Variants in POLA2 observed in about 807,000 individuals in gnomAD.
The protein encoded by POLA2 is DNA polymerase alpha subunit B.
In POLA2, 47 loss-of-function variants were observed where a neutral mutation model predicts 82.8. That is an observed-to-expected ratio of 0.57 (90% CI 0.45 to 0.72). The LOEUF is 0.72. POLA2 is among the 30% of genes least tolerant of loss of function. POLA2 has a pLI of 0.00. For missense variants in POLA2, 634 were observed against 728.1 expected (o/e 0.87, Z 1.49); for synonymous variants, 287 against 286.8 (o/e 1.00, Z -0.01).
At chr11:65,305,313 T>G (rs1427649716) in intron 8 of POLA2, 11 of 453,426 alleles carry the variant, frequency 2.4e-5, no homozygotes, top group Non-Finnish European at 3.5e-5. Flanking sequence ...GTGACCAGCC[T>G]CACGCATCGT....
At chr11:65,299,051 A>G (rs1427846689), downstream of POLA2, among the ~76,000 whole-genome samples, 1 of 152,232 alleles carries the variant, frequency 6.6e-6, no homozygotes, top group Non-Finnish European at 1.5e-5. Flanking sequence ...CTTGTCAGGA[A>G]GGTGCCAAGT....
intron 4 of POLA2, among the ~76,000 whole-genome samples, chr11:65,270,793 C>T (rs1015795401): frequency 2.0e-5 from 3 of 152,210 alleles, no homozygotes; most frequent in Admixed American, 6.5e-5. Context: ...CCATATCCAC[C>T]TCTAACCACC....
chr11:65,299,734 C>T (rs545008316), downstream of POLA2, among the ~76,000 whole-genome samples: 299 of 152,208 alleles, frequency 2.0e-3, no homozygotes, highest in African/African-American at 6.9e-3. Flanking sequence ...CTCTGTCGTC[C>T]GGGCTGGAGT....
In POLA2 at chr11:65,297,487, G is replaced by T. The variant is rs533656274; in HGVS notation, c.*218G>T. ...CCTGGAAGGAAGCTCTTGCTTCTCA[G>T]TCCATGCTCCGTGTCCAGAAGTAAG... On this transcript the variant is annotated 3_prime_UTR_variant, in exon 18 of 18. Coordinates refer to ENST00000265465, the MANE Select transcript of POLA2 (RefSeq NM_002689.4). The T allele has an allele frequency of 4.1e-5, 18 of 438,324 alleles. No homozygotes were observed. The East Asian group carries it at 6.3e-4, about 15-fold the overall frequency. 27.2% of individuals were successfully genotyped at this position (438,324 alleles called of 1,614,324 possible).
downstream of POLA2, among the ~76,000 whole-genome samples, chr11:65,303,320 C>T (rs1359441324): frequency 2.2e-5 from 3 of 138,832 alleles, no homozygotes; most frequent in South Asian, 4.5e-4. Context: ...CCAGCCTGGG[C>T]AACGGAGTGA....
chr11:65,300,904 A>G (rs1260476709), downstream of POLA2, among the ~76,000 whole-genome samples: 7 of 152,192 alleles, frequency 4.6e-5, 1 homozygote, highest in African/African-American at 1.7e-4. Context: ...TTCACTTAGC[A>G]TGATGTTTTC....
At position 65,295,439 on chromosome 11, in the gene POLA2, C is replaced by T. The variant is rs1013346152; in HGVS notation, c.1461-101C>T. 4.9e-6 allele frequency: 5 copies of T among 1,017,442 alleles called. No individual in the cohort carries two copies. The East Asian group carries it at 7.2e-5, about 15-fold the overall frequency. 63.0% of individuals were successfully genotyped at this position (1,017,442 alleles called of 1,614,324 possible). A position where few individuals can be genotyped will look rare whatever the true frequency, so the allele number is the denominator to read the frequency against. On this transcript the variant is annotated intron_variant, in intron 15 of 17. Coordinates refer to ENST00000265465, the MANE Select transcript of POLA2 (RefSeq NM_002689.4). ...TCCTCCTCTTGTTGCTGTGCCTTGG[C>T]CATTTACCTTCTCTCTGGTTTATTA...
At chr11:65,287,606 TA>T (rs1949710651) in intron 10 of POLA2, 109 bp from the exon 11 acceptor site, 2 of 987,944 alleles carry the variant, frequency 2.0e-6, no homozygotes, top group Admixed American at 4.2e-5. Flanking sequence ...GTTTCACACA[TA>T]AAGGACTCAA....
intron 7 of POLA2, chr11:65,280,785 G>C: frequency 1.8e-6 from 1 of 556,698 alleles, no homozygotes; most frequent in Admixed American, 3.2e-5. Flanking sequence ...CAAGTGCTGG[G>C]TGGATGGGTG....
At chr11:65,265,418 CTGTT>C (rs1257217650) in intron 1 of POLA2, among the ~76,000 whole-genome samples, 1 of 152,112 alleles carries the variant, frequency 6.6e-6, no homozygotes, top group Non-Finnish European at 1.5e-5. Flanking sequence ...GCACTTGACA[CTGTT>C]TGTCATTTTT....
intron 13 of POLA2, among the ~76,000 whole-genome samples, chr11:65,292,994 A>G (rs1317599062): frequency 1.3e-5 from 2 of 152,164 alleles, no homozygotes; most frequent in African/African-American, 2.4e-5. Flanking sequence ...GGAAAAATAA[A>G]TAGTTGGCCC....
Position 65,294,651 on chromosome 11 carries a change from A to G in POLA2, c.1459A>G (p.Ser487Gly), listed in dbSNP as rs1468478550. The G allele has an allele frequency of 6.2e-7, 1 of 1,606,038 alleles. No homozygotes were observed. Among genetic ancestry groups the G allele is most frequent in the Non-Finnish European group, 8.5e-7 (1 of 1,173,214 alleles). ...CCACCTGGGGGCCGAGGAGATCAGT[A>G]GGTAAGAAGTGTGTTCCAGGCCCCA... ...LFHLGAEEIS[S>G]SSGTSDRFSR... is the part of the protein sequence containing the mutation. The change falls in exon 15 of 18, where the codon AGT becomes GGT. Residue 487 changes from serine to glycine, a missense_variant and splice_region_variant. Coordinates refer to ENST00000265465, the MANE Select transcript of POLA2 (RefSeq NM_002689.4).
intron 4 of POLA2, among the ~76,000 whole-genome samples, chr11:65,272,342 C>T (rs1342975394): frequency 1.3e-5 from 2 of 152,172 alleles, no homozygotes; most frequent in Non-Finnish European, 2.9e-5. Context: ...TTGGCCTTTC[C>T]ATACAAACAG....
chr11:65,299,456 T>G (rs889985245), downstream of POLA2, among the ~76,000 whole-genome samples: 1 of 152,206 alleles, frequency 6.6e-6, no homozygotes, highest in African/African-American at 2.4e-5. Flanking sequence ...CCACTCCTAG[T>G]TGCTGTTCCT....
In POLA2 at chr11:65,262,286, G is replaced by A; in HGVS notation, c.-7G>A. 6.2e-7 allele frequency: 1 copy of A among 1,611,686 alleles called. No homozygotes were observed. The highest frequency in any genetic ancestry group is 8.5e-7 in the Non-Finnish European group (1 of 1,179,072). On this transcript the variant is annotated 5_prime_UTR_variant, in exon 1 of 18. Transcript: ENST00000265465. ...GGCCGGCTCCCCGGCCCCTGGCTTG[G>A]GCGACCATGTCCGCATCCGCCCAGC... is the stretch of plus-strand genomic sequence containing the variant.
At chr11:65,281,261 G>A in intron 8 of POLA2, 114 bp downstream of exon 8, 1 of 1,121,218 alleles carries the variant, frequency 8.9e-7, no homozygotes, top group Admixed American at 2.1e-5. Context: ...ATGGGGTGCA[G>A]CTGGAGCACA....
At chr11:65,299,730 C>T (rs147180761), downstream of POLA2, among the ~76,000 whole-genome samples, 3,833 of 152,228 alleles carry the variant, frequency 0.025, 142 homozygotes, top group African/African-American at 0.088. Context: ...CTCACTCTGT[C>T]GTCCGGGCTG....
At chr11:65,268,854 A>C in intron 4 of POLA2, 125 bp downstream of exon 4, 1 of 575,876 alleles carries the variant, frequency 1.7e-6, no homozygotes, top group Non-Finnish European at 3.0e-6. Flanking sequence ...TTCCACTTAT[A>C]CATCTTCCTT....
downstream of POLA2, among the ~76,000 whole-genome samples, chr11:65,302,927 C>T (rs950705505): frequency 1.3e-5 from 2 of 152,016 alleles, no homozygotes; most frequent in African/African-American, 4.8e-5. Flanking sequence ...AGTTTCGCCA[C>T]GTTGCCCAGG....
Sources: allele counts gnomAD v4.1 joint callset (sites outside exome capture counted in the v4.1 genomes callset), GRCh38; gene constraint gnomAD v4.1.1; transcripts MANE v1.5; gene names NCBI Gene and HGNC (gene_info 2026-07-23, HGNC 2026-07-21).